CRIM1: variants seen among roughly 807,000 people sequenced by gnomAD.
CRIM1 encodes the protein cysteine-rich motor neuron 1 protein.
CRIM1 carries 32 observed loss-of-function variants against 116.4 expected under a neutral mutation model. The observed-to-expected ratio is 0.27, with a 90% CI of 0.21 to 0.37. The LOEUF (loss-of-function observed/expected upper bound fraction) is 0.37, where lower values mean the gene tolerates loss of function less well. CRIM1 is among the 10% of genes least tolerant of loss of function. The pLI is 1.00. For missense variants in CRIM1, 1,331 were observed against 1,354.8 expected (o/e 0.98, Z 0.28); for synonymous variants, 590 against 509.2 (o/e 1.16, Z -2.13).
At chr2:36,448,475 C>G (rs1676424226) in intron 4 of CRIM1, among the ~76,000 whole-genome samples, 1 of 152,214 alleles carries the variant, frequency 6.6e-6, no homozygotes, top group African/African-American at 2.4e-5. Flanking sequence ...TTTACAGACT[C>G]TTCACTTTGC....
Position 36,510,107 on chromosome 2 carries a change from A to C in CRIM1, c.1626A>C (p.Ile542=), listed in dbSNP as rs1183044535. Residue 542 remains isoleucine, a synonymous_variant, in exon 9 of 17, where the codon ATA becomes ATC. Transcript: ENST00000280527. The stretch of plus-strand genomic sequence containing the variant: ...CAAGGCCCAAGAAGTGCAGACCCAT[A>C]ATCTGTGACAAGTATTGTCCACTTG... ...CRPRPKKCRP[I]ICDKYCPLGL... 1.2e-6 allele frequency: 2 copies of C among 1,613,940 alleles called. No individual in the cohort carries two copies. Among genetic ancestry groups the C allele is most frequent in the African/African-American group, 2.7e-5 (2 of 74,916 alleles).
intron 1 of CRIM1, among the ~76,000 whole-genome samples, chr2:36,381,178 C>T (rs1032237008): frequency 6.6e-6 from 1 of 152,218 alleles, no homozygotes; most frequent in African/African-American, 2.4e-5. Context: ...GAATGTGGCA[C>T]TCTGACCCCT....
intron 1 of CRIM1, among the ~76,000 whole-genome samples, chr2:36,364,197 AT>A (rs1669436424): frequency 6.6e-6 from 1 of 152,202 alleles, no homozygotes; most frequent in Non-Finnish European, 1.5e-5. Flanking sequence ...GATGCCTGTG[AT>A]TCTACATTTC....
At chr2:36,459,642 G>C (rs1186856334) in intron 4 of CRIM1, among the ~76,000 whole-genome samples, 1 of 152,132 alleles carries the variant, frequency 6.6e-6, no homozygotes, top group Non-Finnish European at 1.5e-5. Flanking sequence ...TTTTTGACCA[G>C]AGAAGGTCTT....
chr2:36,528,832 T>C (rs76716437), intron 13 of CRIM1, among the ~76,000 whole-genome samples: 1,923 of 152,312 alleles, frequency 0.013, 43 homozygotes, highest in African/African-American at 0.045. Context: ...TCTAAAGTTA[T>C]CACAACAAAA....
intron 7 of CRIM1, among the ~76,000 whole-genome samples, chr2:36,480,929 T>A (rs1449489081): frequency 1.3e-5 from 2 of 152,184 alleles, no homozygotes; most frequent in African/African-American, 2.4e-5. Context: ...ATATGATGGT[T>A]GTATAGTCGG....
At chr2:36,380,406 C>G (rs1251104737) in intron 1 of CRIM1, among the ~76,000 whole-genome samples, 1 of 152,156 alleles carries the variant, frequency 6.6e-6, no homozygotes, top group Non-Finnish European at 1.5e-5. Context: ...GTTGTCCAGT[C>G]CCATCATGCT....
intron 2 of CRIM1, among the ~76,000 whole-genome samples, chr2:36,401,264 A>G (rs1672385168): frequency 1.3e-5 from 2 of 152,154 alleles, no homozygotes; most frequent in Admixed American, 1.3e-4. Flanking sequence ...TGAACATATC[A>G]CCATAAAATC....
At chr2:36,502,458 A>G (rs1429662215) in intron 8 of CRIM1, among the ~76,000 whole-genome samples, 1 of 152,178 alleles carries the variant, frequency 6.6e-6, no homozygotes, top group Non-Finnish European at 1.5e-5. Flanking sequence ...AGACCATTGC[A>G]TTTTGTATCA....
intron 2 of CRIM1, among the ~76,000 whole-genome samples, chr2:36,424,861 C>T (rs1298307606): frequency 3.9e-5 from 6 of 152,066 alleles, no homozygotes; most frequent in African/African-American, 1.5e-4. Context: ...ATGTACCCAC[C>T]CCCAAAATAT....
rs1675821937 is a variant in CRIM1, at chr2:36,441,489, A to C, written c.737A>C (p.Glu246Ala). The C allele has an allele frequency of 6.2e-7, 1 of 1,610,664 alleles. No individual in the cohort carries two copies. Among genetic ancestry groups the C allele is most frequent in the African/African-American group, 1.3e-5 (1 of 75,050 alleles). The change falls in exon 3 of 17, where the codon GAG becomes GCG. Residue 246 changes from glutamate to alanine, a missense_variant. This residue lies in a region of CRIM1 where 690 missense variants were observed against 676.0 expected (regional missense o/e 1.02). Transcript: ENST00000280527. ...GKPGECCDLY[E>A]CKPVFGVDCR... ...CCGGGAGAGTGCTGTGACCTCTATG[A>C]GTGCAAACCAGGTATGCACGAGCTC... is the stretch of plus-strand genomic sequence containing the variant.
intron 7 of CRIM1, among the ~76,000 whole-genome samples, chr2:36,481,299 C>A (rs147689958): frequency 7.9e-5 from 12 of 152,232 alleles, no homozygotes; most frequent in South Asian, 4.2e-4. Flanking sequence ...ATATATAACT[C>A]ATTTATTACC....
intron 1 of CRIM1, among the ~76,000 whole-genome samples, chr2:36,364,258 T>C (rs909057549): frequency 2.0e-5 from 3 of 152,194 alleles, no homozygotes; most frequent in South Asian, 2.1e-4. Flanking sequence ...GACCACACTT[T>C]TAAGTAGCAC....
In CRIM1 at chr2:36,489,172, G is replaced by A. The variant is rs115176155; in HGVS notation, c.1372+9478G>A. On this transcript the variant is annotated intron_variant, in intron 7 of 16. Transcript: ENST00000280527. ...TATAATCAGTGCCTACCATTTGCCC[G>A]TGCCTGTGCCTTTGTGCCTTGCATG... 4.2e-3 allele frequency among the ~76,000 whole-genome samples: 642 copies of A among 152,158 alleles called. 5 individuals carry two copies. Among genetic ancestry groups the A allele is most frequent in the African/African-American group, 0.015 (619 of 41,494 alleles).
intron 14 of CRIM1, among the ~76,000 whole-genome samples, chr2:36,538,934 A>G (rs1390050926): frequency 6.6e-6 from 1 of 152,238 alleles, no homozygotes; most frequent in Non-Finnish European, 1.5e-5. Context: ...ATGAAACTTG[A>G]CCTTATTTAT....
At position 36,528,060 on chromosome 2, in the gene CRIM1, A is replaced by G. The variant is rs191419488; in HGVS notation, c.2428+5747A>G. Among the ~76,000 whole-genome samples, 11 of 152,366 alleles carry G rather than the reference A, an allele frequency of 7.2e-5. No homozygotes were observed. In the East Asian group the frequency reaches 1.9e-3, roughly 27 times the overall value. On this transcript the variant is annotated intron_variant, in intron 13 of 16. Coordinates refer to ENST00000280527, the MANE Select transcript of CRIM1 (RefSeq NM_016441.3). The stretch of plus-strand genomic sequence containing the variant: ...ACAAAAGTGCCAAGAATATTAAATG[A>G]CATAATGTACATATGCAAAAATACT...
intron 14 of CRIM1, among the ~76,000 whole-genome samples, chr2:36,538,309 C>T (rs572497187): frequency 1.5e-4 from 23 of 152,270 alleles, no homozygotes; most frequent in Non-Finnish European, 3.1e-4. Context: ...AAATGTAAGA[C>T]CTGAGCCCTC....
chr2:36,548,755 T>C lies in CRIM1; in HGVS notation c.*54T>C. The C allele has an allele frequency of 2.8e-6, 4 of 1,438,922 alleles. No homozygotes were observed. The highest frequency in any genetic ancestry group is 2.8e-6 in the Non-Finnish European group (3 of 1,062,568). 89.1% of individuals were successfully genotyped at this position (1,438,922 alleles called of 1,614,324 possible). ...AGACGGAAGACGACTAAATCTGCTC[T>C]AAAAAGTAAACTAGAATTTGTGCAC... On this transcript the variant is annotated 3_prime_UTR_variant, in exon 17 of 17. Coordinates refer to ENST00000280527, the MANE Select transcript of CRIM1 (RefSeq NM_016441.3).
At chr2:36,437,795 A>T (rs1437352036) in intron 2 of CRIM1, among the ~76,000 whole-genome samples, 1 of 152,114 alleles carries the variant, frequency 6.6e-6, no homozygotes, top group Non-Finnish European at 1.5e-5. Context: ...TGCAAAACAC[A>T]CGTCGAGAGG....
Sources: gnomAD v4.1 joint callset for allele counts (sites outside exome capture counted in the v4.1 genomes callset) on GRCh38, gnomAD v4.1.1 for gene constraint, gnomAD v4.1.1 regional missense constraint, MANE v1.5 for transcripts, NCBI Gene and HGNC (gene_info 2026-07-23, HGNC 2026-07-21) for gene names.